The following HPR variants were observed in gnomAD, a reference collection of about 807,000 sequenced individuals.
HPR encodes Haptoglobin-related locus.
In HPR, 17 loss-of-function variants were observed where a neutral mutation model predicts 18.5. The ratio of observed to expected loss-of-function variants is 0.92; its 90% confidence interval spans 0.63 to 1.38. The LOEUF is 1.38. Among genes scored for constraint, HPR ranks in the 40% most tolerant of loss-of-function variants. The pLI is 0.00. For synonymous variants in HPR, 176 were observed against 165.0 expected, an observed-to-expected ratio of 1.07 and a Z score of -0.51; for missense variants, 457 against 432.4, an observed-to-expected ratio of 1.06 and a Z score of -0.51.
chr16:72,068,921 AAAC>A (rs1236531675), intron 1 of HPR, among the ~76,000 whole-genome samples: 1 of 152,176 alleles, frequency 6.6e-6, no homozygotes, highest in African/African-American at 2.4e-5. Context: ...ATTGACTACC[AAAC>A]AAAACTCAGG....
chr16:72,075,497 T>C (rs1389489713), intron 4 of HPR, among the ~76,000 whole-genome samples: 4 of 152,324 alleles, frequency 2.6e-5, no homozygotes, highest in South Asian at 4.1e-4. Flanking sequence ...GAGAGCCTGC[T>C]AGAGAGCCCT....
At position 72,076,575 on chromosome 16, in the gene HPR, C is replaced by T. The variant is rs2041727961; in HGVS notation, c.541C>T (p.His181Tyr). The change falls in exon 5 of 5, where the codon CAC becomes TAC. Residue 181 changes from histidine to tyrosine, a missense_variant. Coordinates refer to ENST00000540303, the MANE Select transcript of HPR (RefSeq NM_020995.4). ...QLVEIEKVVL[H>Y]PNYHQVDIGL... ...TGTAGAGATTGAGAAGGTGGTTCTA[C>T]ACCCTAACTACCACCAGGTAGATAT... 6.2e-7 allele frequency: 1 copy of T among 1,614,234 alleles called. No homozygotes were observed. The highest frequency in any genetic ancestry group is 1.1e-5 in the South Asian group (1 of 91,080).
chr16:72,074,071 C>T, intron 2 of HPR, 94 bp downstream of exon 2: 3 of 1,526,836 alleles, frequency 2.0e-6, no homozygotes, highest in Non-Finnish European at 2.7e-6. Flanking sequence ...TGAGAACACA[C>T]AGTTCCCCAT....
At chr16:72,073,691 C>A in intron 1 of HPR, 1 of 1,469,154 alleles carries the variant, frequency 6.8e-7, no homozygotes, top group Non-Finnish European at 9.1e-7. Flanking sequence ...GTATGTGGGG[C>A]GGAGGGTGGG....
Position 72,076,504 on chromosome 16 carries a change from A to C in HPR, c.470A>C (p.Lys157Thr). Reference sequence around the variant, plus strand: ...AACCATTCAGAAAATGCAACAGCGAAAGACATTGCCCCTACTTTAACACTC... The same window carrying C: ...AACCATTCAGAAAATGCAACAGCGACAGACATTGCCCCTACTTTAACACTC... ...FLNHSENATA[K>T]DIAPTLTLYV... Residue 157 changes from lysine (K) to threonine (T), a missense_variant, in exon 5 of 5, where the codon AAA becomes ACA. Coordinates refer to ENST00000540303, the MANE Select transcript of HPR (RefSeq NM_020995.4). The C allele has an allele frequency of 1.2e-6, 2 of 1,614,142 alleles. No homozygotes were observed. The highest frequency in any genetic ancestry group is 1.7e-6 in the Non-Finnish European group (2 of 1,179,994).
chr16:72,064,505 C>G (rs1306161288), intron 1 of HPR, among the ~76,000 whole-genome samples: 1 of 152,170 alleles, frequency 6.6e-6, no homozygotes, highest in Non-Finnish European at 1.5e-5. Context: ...TCCCGCCTTC[C>G]CACCAGTGCA....
chr16:72,075,445 ACT>A (rs1432722397), intron 4 of HPR, among the ~76,000 whole-genome samples: 2 of 152,206 alleles, frequency 1.3e-5, no homozygotes, highest in East Asian at 3.9e-4. Flanking sequence ...GGCTGAATCC[ACT>A]GTCGGCATTG....
intron 3 of HPR, 31 bp downstream of exon 3, chr16:72,074,416 A>G (rs1157542439): frequency 6.6e-7 from 1 of 1,522,722 alleles, no homozygotes; most frequent in East Asian, 2.3e-5. Context: ...TCTGTGCTCT[A>G]CCTACAACCC....
intron 3 of HPR, chr16:72,074,622 T>A: frequency 1.4e-6 from 1 of 715,570 alleles, no homozygotes; most frequent in South Asian, 1.5e-5. Flanking sequence ...GCCTACCTCA[T>A]GTAAATCTCA....
At position 72,076,773 on chromosome 16, in the gene HPR, G is replaced by T; in HGVS notation, c.739G>T (p.Asp247Tyr). 6.2e-7 allele frequency: 1 copy of T among 1,614,206 alleles called. No homozygotes were observed. Among genetic ancestry groups the T allele is most frequent in the African/African-American group, 1.3e-5 (1 of 75,052 alleles). The stretch of plus-strand genomic sequence containing the variant: ...GAAGTATGTCATGCTGCCTGTGGCT[G>T]ACCAATACGATTGCATAACGCATTA... The part of the protein sequence containing the change: ...HLKYVMLPVA[D>Y]QYDCITHYEG... The change falls in exon 5 of 5, where the codon GAC becomes TAC. Residue 247 changes from aspartate (D) to tyrosine (Y), a missense_variant. Physicochemically the swap from Asp to Tyr is radical, Grantham distance 160. Coordinates refer to ENST00000540303, the MANE Select transcript of HPR (RefSeq NM_020995.4).
intron 2 of HPR, 80 bp from the exon 3 acceptor site, chr16:72,074,204 G>C: frequency 1.5e-6 from 2 of 1,340,276 alleles, no homozygotes; most frequent in South Asian, 1.2e-5. Flanking sequence ...GTGCAGAGCA[G>C]CTTCCACTCA....
Position 72,076,472 on chromosome 16 carries a change from C to T in HPR, c.438C>T (p.Leu146=). 3 of 1,614,174 alleles carry T rather than the reference C, an allele frequency of 1.9e-6. No individual in the cohort carries two copies. The highest frequency in any genetic ancestry group is 2.5e-6 in the Non-Finnish European group (3 of 1,180,004). Residue 146 remains leucine (L), a synonymous_variant, in exon 5 of 5, where the codon CTC becomes CTT. Transcript: ENST00000540303. The part of the protein sequence containing the change: ...EQWLLTTAKN[L]FLNHSENATA... Reference sequence around the variant, plus strand: ...GGCTGCTGACCACGGCTAAAAATCTCTTCCTGAACCATTCAGAAAATGCAA... The same window carrying T: ...GGCTGCTGACCACGGCTAAAAATCTTTTCCTGAACCATTCAGAAAATGCAA...
At chr16:72,064,984 C>T (rs1300085929) in intron 1 of HPR, among the ~76,000 whole-genome samples, 4 of 152,260 alleles carry the variant, frequency 2.6e-5, no homozygotes, top group South Asian at 2.1e-4. Flanking sequence ...TAACTCTGTG[C>T]GCAGACCAAG....
chr16:72,073,865 C>A lies in HPR; in HGVS notation c.6-27C>A, dbSNP rs200086170. 3.7e-6 allele frequency: 6 copies of A among 1,613,662 alleles called. No homozygotes were observed. The African/African-American group carries it at 8.0e-5, about 22-fold the overall frequency. On this transcript the variant is annotated intron_variant, in intron 1 of 4. Coordinates refer to ENST00000540303, the MANE Select transcript of HPR (RefSeq NM_020995.4). ...GCTGTGAAGCAGGGAGACCAGCTTT[C>A]CGCTCCTTCTTGTTTTCTCTCTGCA...
At position 72,076,568 on chromosome 16, in the gene HPR, G is replaced by T. The variant is rs675973; in HGVS notation, c.534G>T (p.Val178=). 2,565 of 1,614,030 alleles carry T rather than the reference G, an allele frequency of 1.6e-3. 2 individuals carry two copies. The highest frequency in any genetic ancestry group is 2.0e-3 in the Middle Eastern group (12 of 6,062). Residue 178 remains valine, a synonymous_variant, in exon 5 of 5, where the codon GTG becomes GTT. Transcript: ENST00000540303. The part of the protein sequence containing the change: ...GKKQLVEIEK[V]VLHPNYHQVD... ...AGCAGCTTGTAGAGATTGAGAAGGT[G>T]GTTCTACACCCTAACTACCACCAGG...
chr16:72,065,902 AC>A (rs2041592892), intron 1 of HPR, among the ~76,000 whole-genome samples: 2 of 151,204 alleles, frequency 1.3e-5, no homozygotes, highest in African/African-American at 2.4e-5. Context: ...CCCAATCCTA[AC>A]CCCCCTACTC....
rs675973 is a variant in HPR at position 72,076,568 on chromosome 16, G to C, written c.534G>C (p.Val178=). The change falls in exon 5 of 5, where the codon GTG becomes GTC. Residue 178 remains valine (V), a synonymous_variant. Transcript: ENST00000540303. ...GKKQLVEIEK[V]VLHPNYHQVD... is the part of the protein sequence containing the mutation. Reference sequence around the variant, plus strand: ...AGCAGCTTGTAGAGATTGAGAAGGTGGTTCTACACCCTAACTACCACCAGG... The same window carrying C: ...AGCAGCTTGTAGAGATTGAGAAGGTCGTTCTACACCCTAACTACCACCAGG... The C allele has an allele frequency of 6.2e-7, 1 of 1,614,094 alleles. No homozygotes were observed. Among genetic ancestry groups the C allele is most frequent in the Non-Finnish European group, 8.5e-7 (1 of 1,179,988 alleles).
At chr16:72,073,237 C>T (rs1484592315) in intron 1 of HPR, among the ~76,000 whole-genome samples, 2 of 152,182 alleles carry the variant, frequency 1.3e-5, no homozygotes, top group African/African-American at 2.4e-5. Flanking sequence ...CTCTGCTTTC[C>T]TTTGTTCGGG....
At chr16:72,075,807 C>A in intron 4 of HPR, among the ~76,000 whole-genome samples, 1 of 151,986 alleles carries the variant, frequency 6.6e-6, no homozygotes, top group East Asian at 1.9e-4. Flanking sequence ...TATTGTAGCT[C>A]CTAGCCCTTT....
Sources: allele counts gnomAD v4.1 joint callset (sites outside exome capture counted in the v4.1 genomes callset), GRCh38; gene constraint gnomAD v4.1.1; transcripts MANE v1.5; gene names NCBI Gene and HGNC (gene_info 2026-07-23, HGNC 2026-07-21).